CCDC40: variants seen among roughly 807,000 people sequenced by gnomAD.
CCDC40 encodes coiled-coil domain 40 molecular ruler complex subunit.
Under a neutral mutation model 124.5 loss-of-function variants are expected in CCDC40, and 104 were observed. The ratio of observed to expected loss-of-function variants is 0.84; its 90% CI spans 0.71 to 0.98. CCDC40 has a LOEUF of 0.98. Ranked by LOEUF, CCDC40 falls within the 50% of genes least tolerant of loss-of-function variation. CCDC40 has a pLI of 0.00. For synonymous variants in CCDC40, 580 were observed against 602.9 expected (o/e 0.96, Z 0.56); for missense variants, 1,463 against 1,503.9 (o/e 0.97, Z 0.45).
In CCDC40 at chr17:80,040,066, T is replaced by C. The variant is rs779169944; in HGVS notation, c.348T>C (p.Tyr116=). The part of the protein sequence containing the change: ...QISAADTTYP[Y]FSPPQELPGE... ...GTGCTGCAGATACGACTTACCCGTA[T>C]TTCAGTCCTCCTCAGGAACTGCCTG... Residue 116 remains tyrosine, a synonymous_variant, in exon 3 of 20, where the codon TAT becomes TAC. Coordinates refer to ENST00000397545, the MANE Select transcript of CCDC40 (RefSeq NM_017950.4). 6.2e-7 allele frequency: 1 copy of C among 1,614,200 alleles called. No individual in the cohort carries two copies. The highest frequency in any genetic ancestry group is 1.7e-5 in the Admixed American group (1 of 60,032).
In CCDC40 at chr17:80,100,072, G is replaced by A. The variant is rs2038894074; in HGVS notation, c.*297G>A. 1 of 440,430 alleles carries A rather than the reference G, an allele frequency of 2.3e-6. No individual in the cohort carries two copies. Among genetic ancestry groups the A allele is most frequent in the African/African-American group, 2.0e-5 (1 of 49,916 alleles). The allele number at this position is 440,430 out of a possible 1,614,324, so 27.3% of individuals were successfully genotyped here. ...GGCTTACTCGTCCAGGTAACACTTTGGTTTGCAGCACTCCCAAATCTGCAC... is the reference window on the plus strand; with the variant it reads ...GGCTTACTCGTCCAGGTAACACTTTAGTTTGCAGCACTCCCAAATCTGCAC... On this transcript the variant is annotated 3_prime_UTR_variant, in exon 20 of 20. Transcript: ENST00000397545.
At chr17:80,056,573 G>A (rs888351949) in intron 7 of CCDC40, among the ~76,000 whole-genome samples, 11 of 152,120 alleles carry the variant, frequency 7.2e-5, no homozygotes, top group East Asian at 3.9e-4. Context: ...ATGATTGTGC[G>A]ACTGCACTCC....
chr17:80,086,484 G>A lies in CCDC40; in HGVS notation c.2449+268G>A. On this transcript the variant is annotated intron_variant, in intron 14 of 19. Transcript: ENST00000397545. This position sits in a 1 kb window ranked among gnomAD's most constrained non-coding sequence, Gnocchi z 5.5. ...CTTCAGAGCTCTCCTTGAGAGAGGA[G>A]CATGGAAGGTTATCATCCCCGCCAA... is the stretch of plus-strand genomic sequence containing the variant. 2 of 447,732 alleles carry A rather than the reference G, an allele frequency of 4.5e-6. No individual in the cohort carries two copies. The highest frequency in any genetic ancestry group is 4.5e-5 in the East Asian group (1 of 22,194). 27.7% of individuals were successfully genotyped at this position (447,732 alleles called of 1,614,324 possible).
chr17:80,067,577 C>G, intron 10 of CCDC40: 1 of 1,535,892 alleles, frequency 6.5e-7, no homozygotes, highest in Admixed American at 2.0e-5. Context: ...CATGGCATTC[C>G]GCTGGGATAC....
In CCDC40 at chr17:80,048,751, A is replaced by C. The variant is rs2037497467; in HGVS notation, c.845A>C (p.Asp282Ala). 6.2e-7 allele frequency: 1 copy of C among 1,610,046 alleles called. No individual in the cohort carries two copies. Among genetic ancestry groups the C allele is most frequent in the South Asian group, 1.1e-5 (1 of 90,498 alleles). The change falls in exon 5 of 20, where the codon GAC (aspartate) becomes GCC (alanine). Residue 282 changes from aspartate (D) to alanine (A), a missense_variant. By Grantham distance (126) the Asp-to-Ala change is moderately radical (BLOSUM62 -2). Coordinates refer to ENST00000397545, the MANE Select transcript of CCDC40 (RefSeq NM_017950.4). ...GAAGGGTCCCAGCTGGTGGTTTTGG[A>C]CCCAGACCACGTAAGGAAGCCTTCC... Reference protein sequence around the residue: ...EDEGSQLVVLDPDHPLMVRFQ... With the variant: ...EDEGSQLVVLAPDHPLMVRFQ...
intron 7 of CCDC40, 31 bp downstream of exon 7, chr17:80,050,314 C>A: frequency 6.5e-7 from 1 of 1,526,734 alleles, no homozygotes; most frequent in Non-Finnish European, 8.9e-7. Context: ...CACACGCCAT[C>A]CGGTCCTGGA....
rs547661305 is a variant in CCDC40, at chr17:80,041,756, T to G, written c.552+1486T>G. On this transcript the variant is annotated intron_variant, in intron 3 of 19. Coordinates refer to ENST00000397545, the MANE Select transcript of CCDC40 (RefSeq NM_017950.4). ...CCTCAGCCTGGATTTGCCCCGTGTT[T>G]CCTCATGATGGGGTTAGGGTCATGA... Among the ~76,000 whole-genome samples, 8 of 152,226 alleles carry G rather than the reference T, an allele frequency of 5.3e-5. 1 individual carries two copies. The South Asian group carries it at 1.2e-3, about 24-fold the overall frequency.
intron 17 of CCDC40, chr17:80,090,239 G>T (rs1167028327): frequency 1.1e-6 from 1 of 875,312 alleles, no homozygotes; most frequent in South Asian, 2.1e-5. Context: ...GCGCAGGCAC[G>T]TGCACGAACA....
At chr17:80,068,922 C>G (rs1382747576) in intron 10 of CCDC40, among the ~76,000 whole-genome samples, 1 of 152,210 alleles carries the variant, frequency 6.6e-6, no homozygotes, top group East Asian at 1.9e-4. Flanking sequence ...GCTCAGGGAC[C>G]GGCTAGAGGG....
At position 80,058,726 on chromosome 17, in the gene CCDC40, C is replaced by T; in HGVS notation, c.1317+75C>T. The T allele has an allele frequency of 3.7e-6, 6 of 1,604,710 alleles. No individual in the cohort carries two copies. The highest frequency in any genetic ancestry group is 1.7e-5 in the Admixed American group (1 of 59,962). ...TCAAAAAGGGGCTCAGCTTTGCCTC[C>T]TGCGTGAAGGCTTCCGGCCGGAGGG... is the stretch of plus-strand genomic sequence containing the variant. On this transcript the variant is annotated intron_variant, in intron 8 of 19. Transcript: ENST00000397545. The surrounding 1 kb of genome is among the most constrained non-coding windows in gnomAD (Gnocchi z 4.2).
intron 1 of CCDC40, among the ~76,000 whole-genome samples, chr17:80,037,003 C>T (rs1042685548): frequency 6.6e-6 from 1 of 152,202 alleles, no homozygotes; most frequent in Non-Finnish European, 1.5e-5. Context: ...GTCACCATGG[C>T]AACCACTCTG....
At chr17:80,060,386 A>G (rs1465972140) in intron 9 of CCDC40, among the ~76,000 whole-genome samples, 1 of 151,988 alleles carries the variant, frequency 6.6e-6, no homozygotes, top group African/African-American at 2.4e-5. Flanking sequence ...CCACAAAAAA[A>G]TAATAATTAA....
At chr17:80,090,886 A>T (rs2038710516) in intron 17 of CCDC40, 8 of 875,438 alleles carry the variant, frequency 9.1e-6, no homozygotes, top group Non-Finnish European at 1.1e-5. Context: ...TGTTGTGTTT[A>T]AAAATACCAA....
chr17:80,080,086 A>G (rs2038411863), intron 10 of CCDC40, among the ~76,000 whole-genome samples: 1 of 152,118 alleles, frequency 6.6e-6, no homozygotes, highest in Admixed American at 6.6e-5. Flanking sequence ...TTAGCTGGGC[A>G]TGGTGGCACA....
At chr17:80,082,355 T>G (rs1255274784) in intron 12 of CCDC40, among the ~76,000 whole-genome samples, 4 of 150,276 alleles carry the variant, frequency 2.7e-5, no homozygotes, top group African/African-American at 9.8e-5. Flanking sequence ...TGTGAGCTCA[T>G]GTTCGCATCC....
At chr17:80,052,717 C>T (rs556066729) in intron 7 of CCDC40, among the ~76,000 whole-genome samples, 1 of 152,276 alleles carries the variant, frequency 6.6e-6, no homozygotes, top group East Asian at 1.9e-4. Context: ...CTGGTAGTCT[C>T]ATGAGATTTT....
intron 10 of CCDC40, among the ~76,000 whole-genome samples, chr17:80,073,755 G>T (rs1302408823): frequency 6.6e-6 from 1 of 152,000 alleles, no homozygotes; most frequent in Non-Finnish European, 1.5e-5. Flanking sequence ...GAGGGCAGTG[G>T]CACGATCTTG....
intron 16 of CCDC40, chr17:80,088,517 G>T (rs150230924): frequency 2.4e-5 from 7 of 296,962 alleles, no homozygotes; most frequent in East Asian, 9.0e-5. Context: ...CTCCCAAAGC[G>T]CTGGGATTAC....
intron 10 of CCDC40, among the ~76,000 whole-genome samples, chr17:80,077,305 G>T (rs550642958): frequency 7.9e-5 from 12 of 152,160 alleles, no homozygotes; most frequent in African/African-American, 2.9e-4. Flanking sequence ...CGGATCACTT[G>T]AGCTCAAGAG....
Sources: gnomAD v4.1 joint callset for allele counts (sites outside exome capture counted in the v4.1 genomes callset) on GRCh38, gnomAD v4.1.1 for gene constraint, Gnocchi (gnomAD v3.1) non-coding constraint, MANE v1.5 for transcripts, NCBI Gene and HGNC (gene_info 2026-07-23, HGNC 2026-07-21) for gene names.